Variants in ZFYVE28 observed in about 807,000 individuals in gnomAD.
ZFYVE28 encodes the protein zinc finger FYVE-type containing 28, also known as lateral signaling target protein 2 homolog.
A neutral mutation model predicts 82.1 loss-of-function variants in ZFYVE28; 40 were observed. The observed-to-expected ratio is 0.49, with a 90% CI of 0.38 to 0.63. The LOEUF is 0.63. ZFYVE28 is among the 30% of genes least tolerant of loss of function. ZFYVE28 has a pLI of 0.00. For missense variants in ZFYVE28, 1,321 were observed against 1,242.1 expected, an observed-to-expected ratio of 1.06 and a Z score of -0.96; for synonymous variants, 612 against 546.1, an observed-to-expected ratio of 1.12 and a Z score of -1.68.
chr4:2,360,068 G>A (rs1040292799), intron 1 of ZFYVE28, among the ~76,000 whole-genome samples: 1 of 152,020 alleles, frequency 6.6e-6, no homozygotes, highest in Non-Finnish European at 1.5e-5. Flanking sequence ...TCTGTGATTT[G>A]AGGAGGCCTC....
intron 1 of ZFYVE28, among the ~76,000 whole-genome samples, chr4:2,388,028 G>A (rs563160689): frequency 7.2e-5 from 11 of 152,348 alleles, no homozygotes; most frequent in East Asian, 1.9e-4. Context: ...GTCCTGTGAC[G>A]GGCGGCTGGC....
chr4:2,330,080 T>C (rs1720432660), intron 6 of ZFYVE28: 1 of 169,722 alleles, frequency 5.9e-6, no homozygotes, highest in Admixed American at 6.5e-5. Context: ...AAACAGAAAA[T>C]AGATTTGTGG....
intron 2 of ZFYVE28, among the ~76,000 whole-genome samples, chr4:2,347,943 C>G (rs1249022029): frequency 1.3e-5 from 2 of 151,798 alleles, no homozygotes; most frequent in Non-Finnish European, 2.9e-5. Context: ...CCAAAGCAAA[C>G]AGAAGAAAGG....
At chr4:2,354,490 C>T (rs552509302) in intron 1 of ZFYVE28, among the ~76,000 whole-genome samples, 5 of 139,412 alleles carry the variant, frequency 3.6e-5, no homozygotes, top group Admixed American at 7.6e-5. Context: ...TGGAGTTTCA[C>T]TCTTGTTGCA....
At chr4:2,376,862 G>A (rs891232645) in intron 1 of ZFYVE28, among the ~76,000 whole-genome samples, 1 of 152,034 alleles carries the variant, frequency 6.6e-6, no homozygotes, top group Non-Finnish European at 1.5e-5. Context: ...GGAGGTTTAG[G>A]CTGCAGTGAG....
intron 1 of ZFYVE28, among the ~76,000 whole-genome samples, chr4:2,390,001 A>C (rs1282699173): frequency 2.0e-5 from 3 of 152,226 alleles, no homozygotes; most frequent in African/African-American, 7.2e-5. Context: ...GGCCCCCCGA[A>C]GATAGGTCTA....
At chr4:2,280,937 T>A (rs112764306) in intron 8 of ZFYVE28, among the ~76,000 whole-genome samples, 23 of 151,756 alleles carry the variant, frequency 1.5e-4, no homozygotes, top group African/African-American at 5.3e-4. Flanking sequence ...CAACAGAGAG[T>A]TGAGTGTGGC....
intron 1 of ZFYVE28, among the ~76,000 whole-genome samples, chr4:2,370,294 G>A (rs1727396118): frequency 6.7e-6 from 1 of 150,342 alleles, no homozygotes; most frequent in African/African-American, 2.5e-5. Context: ...GTCATCAGGG[G>A]CACTGAGAAA....
intron 1 of ZFYVE28, among the ~76,000 whole-genome samples, chr4:2,402,074 G>A (rs1307660126): frequency 6.6e-6 from 1 of 152,192 alleles, no homozygotes; most frequent in Non-Finnish European, 1.5e-5. Context: ...GGCTGTGGAG[G>A]GACAGTGGTA....
intron 1 of ZFYVE28, among the ~76,000 whole-genome samples, chr4:2,361,646 A>T (rs1445386789): frequency 6.6e-6 from 1 of 152,086 alleles, no homozygotes; most frequent in Non-Finnish European, 1.5e-5. Context: ...AGACAAGGAG[A>T]CTGACACTCC....
rs986100601 is a variant in ZFYVE28 at position 2,409,461 on chromosome 4, G to A, written c.39+8824C>T. ...GCGACCTCCCAACCCCATCTGCAGC[G>A]ACCCCACCTTGTCCCCTGTGCTCCA... is the stretch of plus-strand genomic sequence containing the variant. On this transcript the variant is annotated intron_variant, in intron 1 of 12. Coordinates refer to ENST00000290974, the MANE Select transcript of ZFYVE28 (RefSeq NM_020972.3). The surrounding 1 kb of genome is among the most constrained non-coding windows in gnomAD (Gnocchi z 4.4). Among the ~76,000 whole-genome samples, 2 of 151,610 alleles carry A rather than the reference G, an allele frequency of 1.3e-5. No homozygotes were observed. Among genetic ancestry groups the A allele is most frequent in the South Asian group, 2.1e-4 (1 of 4,790 alleles).
At chr4:2,318,463 C>T (rs925164402) in intron 7 of ZFYVE28, among the ~76,000 whole-genome samples, 13 of 152,190 alleles carry the variant, frequency 8.5e-5, no homozygotes, top group African/African-American at 2.9e-4. Flanking sequence ...GAGGCTGAGG[C>T]AGGAGAATCT....
chr4:2,302,735 G>C (rs1715758017), intron 8 of ZFYVE28, among the ~76,000 whole-genome samples: 2 of 152,250 alleles, frequency 1.3e-5, no homozygotes, highest in Non-Finnish European at 2.9e-5. Context: ...GGTGAGTGAA[G>C]AAATGAAAGA....
Position 2,418,273 on chromosome 4 carries a change from G to C in ZFYVE28, c.39+12C>G, listed in dbSNP as rs778636148. 3 of 1,536,972 alleles carry C rather than the reference G, an allele frequency of 2.0e-6. No individual in the cohort carries two copies. The highest frequency in any genetic ancestry group is 2.6e-6 in the Non-Finnish European group (3 of 1,141,018). ...GACGCGGGGGGCGTCCGGCCCGAGC[G>C]GGGCCGCTCACCTTGGGTTTGTAGA... On this transcript the variant is annotated intron_variant, in intron 1 of 12. Transcript: ENST00000290974. This position sits in a 1 kb window ranked among gnomAD's most constrained non-coding sequence, Gnocchi z 4.6.
At chr4:2,398,953 G>A (rs1387769791) in intron 1 of ZFYVE28, among the ~76,000 whole-genome samples, 6 of 140,790 alleles carry the variant, frequency 4.3e-5, no homozygotes, top group Non-Finnish European at 9.2e-5. Flanking sequence ...GAGGGCACAA[G>A]GGGGGTGTGA....
intron 1 of ZFYVE28, among the ~76,000 whole-genome samples, chr4:2,396,815 G>A (rs75517918): frequency 0.12 from 18,108 of 149,494 alleles, 1,284 homozygotes; most frequent in Non-Finnish European, 0.12. Flanking sequence ...AGCCCCGGGT[G>A]GCTGAAATGG....
chr4:2,320,981 G>A lies in ZFYVE28; in HGVS notation c.702-710C>T, dbSNP rs150745540. On this transcript the variant is annotated intron_variant, in intron 6 of 12. Transcript: ENST00000290974. The surrounding 1 kb of genome is among the most constrained non-coding windows in gnomAD (Gnocchi z 5.1). ...TCCAGTGGCACCCACTCCTCTCCAC[G>A]CACCGTCCAGCCCTGCCAAGCTCCG... 3.9e-5 allele frequency among the ~76,000 whole-genome samples: 6 copies of A among 152,128 alleles called. No individual in the cohort carries two copies. Among genetic ancestry groups the A allele is most frequent in the Middle Eastern group, 3.4e-3 (1 of 294 alleles).
chr4:2,279,766 T>C (rs1473900006), intron 8 of ZFYVE28, among the ~76,000 whole-genome samples: 11 of 144,326 alleles, frequency 7.6e-5, no homozygotes, highest in Admixed American at 1.4e-4. Context: ...GACAACAGAG[T>C]GAGACTCCTT....
intron 2 of ZFYVE28, 29 bp downstream of exon 2, chr4:2,353,904 C>A (rs893815504): frequency 3.4e-6 from 5 of 1,472,460 alleles, no homozygotes; most frequent in Middle Eastern, 2.0e-4. Context: ...CCAGCGGGGC[C>A]AGCCAGCTTC....
Sources: allele counts gnomAD v4.1 joint callset (sites outside exome capture counted in the v4.1 genomes callset), GRCh38; gene constraint gnomAD v4.1.1; non-coding constraint Gnocchi (gnomAD v3.1); transcripts MANE v1.5; gene names NCBI Gene and HGNC (gene_info 2026-07-23, HGNC 2026-07-21).